The following KRAS variants were observed in gnomAD, a reference collection of about 807,000 sequenced individuals.
KRAS encodes KRas proto-oncogene, GTPase, also known as GTPase KRas.
KRAS carries 1 observed loss-of-function variant against 21.0 expected under a neutral mutation model. The observed-to-expected ratio is 0.05, with a 90% CI of 0.02 to 0.23. The LOEUF (loss-of-function observed/expected upper bound fraction) is 0.23, where lower values mean the gene tolerates loss of function less well. KRAS is among the 10% of genes least tolerant of loss of function. The pLI is 1.00. For synonymous variants in KRAS, 67 were observed against 72.5 expected, an observed-to-expected ratio of 0.92 and a Z score of 0.39; for missense variants, 107 against 221.8, an observed-to-expected ratio of 0.48 and a Z score of 3.29.
At chr12:25,236,952 T>C (rs61761102) in intron 2 of KRAS, among the ~76,000 whole-genome samples, 6,304 of 152,252 alleles carry the variant, frequency 0.041, 175 homozygotes, top group Non-Finnish European at 0.062. Context: ...TAAATGTTTA[T>C]AGTGGCATTA....
rs1345320065 is a variant in KRAS at position 25,206,302 on chromosome 12, T to C, written c.*3493A>G. Reference sequence around the variant, plus strand: ...GTTAAATAGAGCCTAGAATGCCTACTTGGGAACATTCACTCAAATGATACA... The same window carrying C: ...GTTAAATAGAGCCTAGAATGCCTACCTGGGAACATTCACTCAAATGATACA... On this transcript the variant is annotated 3_prime_UTR_variant, in exon 5 of 5. Coordinates refer to ENST00000311936, the MANE Select transcript of KRAS (RefSeq NM_004985.5). 4.8e-6 allele frequency: 1 copy of C among 207,610 alleles called. No homozygotes were observed. Among genetic ancestry groups the C allele is most frequent in the Non-Finnish European group, 9.8e-6 (1 of 101,886 alleles). The allele number at this position is 207,610 out of a possible 1,614,324, so 12.9% of individuals were successfully genotyped here.
At position 25,227,963 on chromosome 12, in the gene KRAS, G is replaced by C. The variant is rs139100456; in HGVS notation, c.112-551C>G. Among the ~76,000 whole-genome samples the C allele has an allele frequency of 1.2e-4, 18 of 152,234 alleles. No homozygotes were observed. The East Asian group carries it at 3.5e-3, about 29-fold the overall frequency. On this transcript the variant is annotated intron_variant, in intron 2 of 4. Transcript: ENST00000311936. ...GAAATAACTTAAGTGTCTGTTAACA[G>C]ATGAATGGATAAACAAAATGTAGTA...
chr12:25,247,872 T>C (rs1454376074), intron 1 of KRAS, among the ~76,000 whole-genome samples: 1 of 152,234 alleles, frequency 6.6e-6, no homozygotes, highest in African/African-American at 2.4e-5. Flanking sequence ...TTTGGTTTTG[T>C]TTTGGAAAAT....
intron 4 of KRAS, among the ~76,000 whole-genome samples, chr12:25,218,892 C>T (rs911747215): frequency 6.6e-6 from 1 of 151,810 alleles, no homozygotes; most frequent in African/African-American, 2.4e-5. Flanking sequence ...CTTGTTGCCA[C>T]ATATACTCAT....
chr12:25,209,426 A>G lies in KRAS; in HGVS notation c.*369T>C. ...GTAATTAATCCATTTATGTGACTAGATAAAACACAGAATAGGGATGATTCA... is the reference window on the plus strand; with the variant it reads ...GTAATTAATCCATTTATGTGACTAGGTAAAACACAGAATAGGGATGATTCA... On this transcript the variant is annotated 3_prime_UTR_variant, in exon 5 of 5. Coordinates refer to ENST00000311936, the MANE Select transcript of KRAS (RefSeq NM_004985.5). The G allele has an allele frequency of 9.8e-7, 1 of 1,025,516 alleles. No individual in the cohort carries two copies. The highest frequency in any genetic ancestry group is 1.3e-6 in the Non-Finnish European group (1 of 767,546). The allele number at this position is 1,025,516 out of a possible 1,614,324, so 63.5% of individuals were successfully genotyped here.
chr12:25,208,889 G>A lies in KRAS; in HGVS notation c.*906C>T, dbSNP rs1195555604. ...AAGCAGAATTAAAACTATCTTCAAA[G>A]ACTCAAGTTGAAGAAAAGATTTAAA... On this transcript the variant is annotated 3_prime_UTR_variant, in exon 5 of 5. Coordinates refer to ENST00000311936, the MANE Select transcript of KRAS (RefSeq NM_004985.5). 4.0e-6 allele frequency: 1 copy of A among 249,484 alleles called. No individual in the cohort carries two copies. Among genetic ancestry groups the A allele is most frequent in the Non-Finnish European group, 7.7e-6 (1 of 129,540 alleles). 15.5% of individuals were successfully genotyped at this position (249,484 alleles called of 1,614,324 possible). A position where few individuals can be genotyped will look rare whatever the true frequency, so the allele number is the denominator to read the frequency against.
intron 4 of KRAS, chr12:25,225,290 A>ATT (rs1951377090): frequency 2.4e-3 from 7 of 2,882 alleles, no homozygotes; most frequent in African/African-American, 8.0e-3. Context: ...TGTTCTTTAT[A>ATT]TATATATATA....
rs1429264299 is a variant in KRAS at position 25,208,992 on chromosome 12, C to T, written c.*803G>A. On this transcript the variant is annotated 3_prime_UTR_variant, in exon 5 of 5. Transcript: ENST00000311936. ...GAGAATTTTTTATACTTGTTAAAAT[C>T]TTTTCAATTATTATAAAAATTTAGT... The T allele has an allele frequency of 1.2e-5, 4 of 346,360 alleles. No individual in the cohort carries two copies. Among genetic ancestry groups the T allele is most frequent in the Non-Finnish European group, 5.1e-6 (1 of 194,468 alleles). The allele number at this position is 346,360 out of a possible 1,614,324, so 21.5% of individuals were successfully genotyped here.
At chr12:25,226,402 C>G (rs1037040827) in intron 3 of KRAS, among the ~76,000 whole-genome samples, 13 of 152,104 alleles carry the variant, frequency 8.5e-5, no homozygotes, top group Non-Finnish European at 1.5e-4. Context: ...GAGCAGACAA[C>G]AGAGTCAGAA....
chr12:25,213,199 TAC>T (rs748336200), intron 4 of KRAS, among the ~76,000 whole-genome samples: 3 of 152,230 alleles, frequency 2.0e-5, no homozygotes, highest in South Asian at 2.1e-4. Context: ...GACATTCACC[TAC>T]AGTCACTGTA....
In KRAS at chr12:25,233,640, T is replaced by C. The variant is rs61761152; in HGVS notation, c.112-6228A>G. Among the ~76,000 whole-genome samples the C allele has an allele frequency of 9.0e-3, 1,373 of 152,332 alleles. 21 individuals are homozygous for C. The highest frequency in any genetic ancestry group is 0.031 in the African/African-American group (1,303 of 41,566). On this transcript the variant is annotated intron_variant, in intron 2 of 4. Transcript: ENST00000311936. ...CCTATGTTTCCTTCATAGCATGTAT[T>C]ATAATTTGTAATTATGTATTTACTT...
intron 1 of KRAS, among the ~76,000 whole-genome samples, chr12:25,248,533 G>A (rs1951717730): frequency 2.0e-5 from 3 of 151,938 alleles, no homozygotes; most frequent in Admixed American, 2.0e-4. Flanking sequence ...CATTGGATTA[G>A]AGTTTGTGTA....
chr12:25,211,126 T>A (rs2141483075), intron 4 of KRAS: 1 of 152,276 alleles, frequency 6.6e-6, no homozygotes, highest in East Asian at 1.9e-4. Context: ...CCCAACACAT[T>A]AAGTTGTATA....
intron 2 of KRAS, among the ~76,000 whole-genome samples, chr12:25,242,510 C>T (rs979023166): frequency 2.0e-5 from 3 of 152,038 alleles, no homozygotes; most frequent in African/African-American, 7.2e-5. Flanking sequence ...GCCCTAATAA[C>T]GAGGTATTTC....
At chr12:25,230,712 A>G (rs994272722) in intron 2 of KRAS, among the ~76,000 whole-genome samples, 7 of 152,222 alleles carry the variant, frequency 4.6e-5, no homozygotes, top group African/African-American at 1.7e-4. Flanking sequence ...TCAATTTTTT[A>G]AAGTATGAAA....
At chr12:25,222,219 G>T (rs950812227) in intron 4 of KRAS, among the ~76,000 whole-genome samples, 1 of 150,016 alleles carries the variant, frequency 6.7e-6, no homozygotes, top group South Asian at 2.1e-4. Context: ...AATAACAGAT[G>T]AGTAACAAAA....
At chr12:25,216,867 A>T (rs1263194643) in intron 4 of KRAS, among the ~76,000 whole-genome samples, 1 of 152,190 alleles carries the variant, frequency 6.6e-6, no homozygotes, top group Non-Finnish European at 1.5e-5. Context: ...CAGAAATATT[A>T]ATCTATATAT....
chr12:25,236,835 C>T (rs1951550360), intron 2 of KRAS, among the ~76,000 whole-genome samples: 1 of 152,070 alleles, frequency 6.6e-6, no homozygotes, highest in South Asian at 2.1e-4. Context: ...AACCACTTGG[C>T]AGTTCCTCAA....
At chr12:25,218,919 GT>G (rs1555193218) in intron 4 of KRAS, among the ~76,000 whole-genome samples, 1 of 108,134 alleles carries the variant, frequency 9.2e-6, no homozygotes, top group African/African-American at 2.8e-5. Flanking sequence ...GGGGTTTTTT[GT>G]TTTTTTTTAA....
Sources: allele counts gnomAD v4.1 joint callset (sites outside exome capture counted in the v4.1 genomes callset), GRCh38; gene constraint gnomAD v4.1.1; transcripts MANE v1.5; gene names NCBI Gene and HGNC (gene_info 2026-07-23, HGNC 2026-07-21).